The following CHODL variants were observed in gnomAD, a reference collection of about 807,000 sequenced individuals.
CHODL encodes chondrolectin.
In CHODL, 29 loss-of-function variants were observed where a neutral mutation model predicts 34.5. That is an observed-to-expected ratio of 0.84 (90% CI 0.63 to 1.15). The LOEUF (loss-of-function observed/expected upper bound fraction) is 1.15, where lower values mean the gene tolerates loss of function less well. CHODL is among the 50% of genes most tolerant of loss of function. CHODL has a pLI of 0.00. For missense variants in CHODL, 332 were observed against 332.5 expected (o/e 1.00, Z 0.01); for synonymous variants, 125 against 116.1 (o/e 1.08, Z -0.49).
intron 1 of CHODL, among the ~76,000 whole-genome samples, chr21:17,930,604 A>G (rs1467929960): frequency 6.6e-6 from 1 of 152,190 alleles, no homozygotes; most frequent in African/African-American, 2.4e-5. Flanking sequence ...ATTTGAAGAC[A>G]TGTTTGCTGG....
intron 5 of CHODL, among the ~76,000 whole-genome samples, chr21:18,263,594 T>C (rs1214981944): frequency 6.6e-6 from 1 of 152,066 alleles, no homozygotes; most frequent in East Asian, 1.9e-4. Flanking sequence ...ATGTATTTCA[T>C]TGTCAAATAA....
Position 18,256,594 on chromosome 21 carries a change from G to A in CHODL, c.165G>A (p.Gln55=). The A allele has an allele frequency of 6.2e-7, 1 of 1,613,994 alleles. No individual in the cohort carries two copies. The highest frequency in any genetic ancestry group is 8.5e-7 in the Non-Finnish European group (1 of 1,179,980). ...FHELSSRVSF[Q]EARLACESEG... The stretch of plus-strand genomic sequence containing the variant: ...AACTGTCCAGCCGAGTGAGCTTTCA[G>A]GAGGCACGCCTGGCTTGTGAGAGTG... The change falls in exon 2 of 6, where the codon CAG becomes CAA. Residue 55 remains glutamine, a synonymous_variant. Coordinates refer to ENST00000299295, the MANE Select transcript of CHODL (RefSeq NM_024944.3).
At chr21:17,928,340 A>G (rs2063244981) in intron 1 of CHODL, among the ~76,000 whole-genome samples, 1 of 152,206 alleles carries the variant, frequency 6.6e-6, no homozygotes, top group African/African-American at 2.4e-5. Flanking sequence ...CAAATGAGTA[A>G]GTGCCATGTC....
intron 2 of CHODL, among the ~76,000 whole-genome samples, chr21:18,176,244 A>G (rs2146669287): frequency 6.6e-6 from 1 of 152,306 alleles, no homozygotes; most frequent in African/African-American, 2.4e-5. Context: ...GCTTAATGAG[A>G]TTAAGAAAAT....
chr21:17,942,345 G>A (rs1432004200), intron 1 of CHODL, among the ~76,000 whole-genome samples: 2 of 152,064 alleles, frequency 1.3e-5, no homozygotes, highest in African/African-American at 4.8e-5. Flanking sequence ...TCTTTTCTGG[G>A]CTAAACTCAT....
intron 1 of CHODL, among the ~76,000 whole-genome samples, chr21:18,015,233 G>C (rs1600897054): frequency 6.6e-6 from 1 of 152,152 alleles, no homozygotes; most frequent in Non-Finnish European, 1.5e-5. Flanking sequence ...TTTCCCCCTT[G>C]CTGTTCCCAT....
At chr21:18,102,490 T>C (rs571572090) in intron 2 of CHODL, among the ~76,000 whole-genome samples, 11 of 152,286 alleles carry the variant, frequency 7.2e-5, no homozygotes, top group South Asian at 6.2e-4. Flanking sequence ...TGTATAAAAA[T>C]ATGTCAGTGA....
At position 18,026,018 on chromosome 21, in the gene CHODL, A is replaced by G. The variant is rs547711824; in HGVS notation, c.-144-1854A>G. ...ATATAAATTTTGGGTGACACGATTC[A>G]GCCCCTAACAATTGGTTTATTTCCA... On this transcript the variant is annotated intron_variant, in intron 1 of 6. Transcript: ENST00000400127. Among the ~76,000 whole-genome samples, 9 of 152,336 alleles carry G rather than the reference A, an allele frequency of 5.9e-5. No homozygotes were observed. The South Asian group carries it at 1.9e-3, about 32-fold the overall frequency.
chr21:18,243,307 G>C (rs182111432), upstream of CHODL, among the ~76,000 whole-genome samples: 55 of 152,262 alleles, frequency 3.6e-4, no homozygotes, highest in Middle Eastern at 0.017. Flanking sequence ...CATGGTTTCC[G>C]GGGCTGAGCT....
intron 2 of CHODL, among the ~76,000 whole-genome samples, chr21:18,224,333 A>G (rs2073911610): frequency 6.6e-6 from 1 of 152,300 alleles, no homozygotes; most frequent in South Asian, 2.1e-4. Flanking sequence ...ATTGTTTTAT[A>G]TAACTAGCTC....
chr21:18,214,422 G>A (rs772080740), intron 2 of CHODL, among the ~76,000 whole-genome samples: 13 of 151,902 alleles, frequency 8.6e-5, no homozygotes, highest in Non-Finnish European at 1.6e-4. Flanking sequence ...TCTTTCAATC[G>A]CTCTAGCACC....
intron 3 of CHODL, 60 bp from the exon 4 acceptor site, chr21:18,260,140 A>T: frequency 1.5e-6 from 1 of 673,122 alleles, no homozygotes; most frequent in Non-Finnish European, 2.3e-6. Context: ...TCATATTTAT[A>T]TATATTTTCA....
intron 1 of CHODL, among the ~76,000 whole-genome samples, chr21:17,933,732 C>T (rs2063295866): frequency 6.6e-6 from 1 of 152,058 alleles, no homozygotes; most frequent in Non-Finnish European, 1.5e-5. Flanking sequence ...ACAACAGGCC[C>T]ACAAGAACAT....
At chr21:18,223,399 T>C (rs2073902170) in intron 2 of CHODL, among the ~76,000 whole-genome samples, 1 of 152,184 alleles carries the variant, frequency 6.6e-6, no homozygotes, top group African/African-American at 2.4e-5. Context: ...AAATACAACT[T>C]GTATAAGAGC....
At chr21:18,155,137 C>A (rs1231244544) in intron 2 of CHODL, among the ~76,000 whole-genome samples, 1 of 152,064 alleles carries the variant, frequency 6.6e-6, no homozygotes, top group Admixed American at 6.6e-5. Context: ...CTAGAGGTGA[C>A]TATTTTTTCA....
chr21:17,938,603 T>G (rs1041523198), intron 1 of CHODL, among the ~76,000 whole-genome samples: 39 of 150,424 alleles, frequency 2.6e-4, no homozygotes, highest in Non-Finnish European at 4.6e-4. Flanking sequence ...CTCAGCCTCC[T>G]GAGTAGCTGG....
chr21:18,037,423 T>C (rs2064324270), intron 2 of CHODL, among the ~76,000 whole-genome samples: 1 of 149,396 alleles, frequency 6.7e-6, no homozygotes. Context: ...AGAACAATCT[T>C]TTAAAATTAT....
intron 1 of CHODL, among the ~76,000 whole-genome samples, chr21:17,965,951 T>C (rs954612850): frequency 2.7e-5 from 4 of 149,298 alleles, no homozygotes; most frequent in Non-Finnish European, 3.0e-5. Flanking sequence ...ATTTTGGCAA[T>C]AGAAAACTGA....
intron 2 of CHODL, among the ~76,000 whole-genome samples, chr21:18,079,035 T>A (rs1433946569): frequency 1.3e-5 from 2 of 152,178 alleles, no homozygotes; most frequent in African/African-American, 4.8e-5. Flanking sequence ...CTTGCATATA[T>A]TGTATAGTGG....
Sources: gnomAD v4.1 joint callset for allele counts (sites outside exome capture counted in the v4.1 genomes callset) on GRCh38, gnomAD v4.1.1 for gene constraint, MANE v1.5 for transcripts, NCBI Gene and HGNC (gene_info 2026-07-23, HGNC 2026-07-21) for gene names.